Variants in SVIL observed in about 807,000 individuals in gnomAD.
The protein encoded by SVIL is supervillin.
A neutral mutation model predicts 240.4 loss-of-function variants in SVIL; 101 were observed. The observed-to-expected ratio is 0.42, with a 90% CI of 0.36 to 0.50. The LOEUF is 0.50. Among genes scored for constraint, SVIL ranks in the 20% least tolerant of loss-of-function variants. SVIL has a pLI of 0.01. For missense variants in SVIL, 2,512 were observed against 2,818.7 expected (o/e 0.89, Z 2.46); for synonymous variants, 999 against 1,100.0 (o/e 0.91, Z 1.82).
At chr10:29,512,976 G>A (rs1338357464) in intron 16 of SVIL, 115 bp from the exon 17 acceptor site, 26 of 1,396,134 alleles carry the variant, frequency 1.9e-5, no homozygotes, top group East Asian at 7.1e-5. Context: ...CAGCCGCCTC[G>A]TTTTAACATT....
At chr10:29,685,473 C>T (rs1960997115) in intron 2 of SVIL, among the ~76,000 whole-genome samples, 1 of 152,192 alleles carries the variant, frequency 6.6e-6, no homozygotes, top group African/African-American at 2.4e-5. Flanking sequence ...GTTAATTCTG[C>T]TTTAAGTTCT....
At chr10:29,702,547 C>G (rs987458189) in intron 1 of SVIL, among the ~76,000 whole-genome samples, 20 of 152,184 alleles carry the variant, frequency 1.3e-4, no homozygotes, top group Non-Finnish European at 1.6e-4. Context: ...TCAGATCACA[C>G]GTTCACGAGG....
chr10:29,493,651 T>C (rs1299906792), intron 20 of SVIL, among the ~76,000 whole-genome samples: 4 of 152,226 alleles, frequency 2.6e-5, no homozygotes, highest in East Asian at 1.9e-4. Flanking sequence ...TGAACGCTTC[T>C]GAACCTGCCC....
chr10:29,684,221 A>C lies in SVIL; in HGVS notation c.-301+2332T>G, dbSNP rs552532147. Among the ~76,000 whole-genome samples the C allele has an allele frequency of 2.0e-5, 3 of 152,336 alleles. No homozygotes were observed. The South Asian group carries it at 6.2e-4, about 32-fold the overall frequency. On this transcript the variant is annotated intron_variant, in intron 2 of 35. Transcript: ENST00000375400. ...TGTCAGACAAACACAGAGTTTCTAT[A>C]GTGTGAACCAAAAAGTATCTGAGAC...
intron 16 of SVIL, among the ~76,000 whole-genome samples, chr10:29,513,216 TG>T (rs1341916642): frequency 6.6e-6 from 1 of 152,170 alleles, no homozygotes; most frequent in African/African-American, 2.4e-5. Context: ...TCTGGTCACT[TG>T]TGAAATAACA....
chr10:29,735,879 C>T (rs1273555695), upstream of SVIL: 2 of 152,060 alleles, frequency 1.3e-5, no homozygotes, highest in Non-Finnish European at 2.9e-5. The surrounding 1 kb of genome is among the most constrained non-coding windows in gnomAD (Gnocchi z 4.1). Context: ...GGGAGCGGGT[C>T]CCCGCTCGGG....
At chr10:29,604,315 T>C (rs528564842) in intron 1 of SVIL, among the ~76,000 whole-genome samples, 250 of 139,700 alleles carry the variant, frequency 1.8e-3, no homozygotes, top group Admixed American at 3.4e-3. Flanking sequence ...TTCTCATGCC[T>C]CAGACACCTA....
In SVIL at chr10:29,712,718, A is replaced by G. The variant is rs531470529; in HGVS notation, c.-400+23033T>C. Among the ~76,000 whole-genome samples the G allele has an allele frequency of 7.9e-5, 12 of 152,358 alleles. 1 individual carries two copies. In the South Asian group the frequency reaches 2.5e-3, roughly 32 times the overall value. On this transcript the variant is annotated intron_variant, in intron 1 of 35. Coordinates refer to the SVIL transcript ENST00000375400. ...GAGAAGGCAAATGTTATCAGACTCA[A>G]CACTGTAAAAATAAAGACATAGCTG...
chr10:29,510,236 G>A (rs1463216903), intron 17 of SVIL, among the ~76,000 whole-genome samples: 2 of 152,202 alleles, frequency 1.3e-5, no homozygotes, highest in African/African-American at 4.8e-5. Context: ...TGAGATGCTG[G>A]CTGGAGCCCC....
At chr10:29,527,651 T>A (rs956746267) in intron 12 of SVIL, among the ~76,000 whole-genome samples, 1 of 151,592 alleles carries the variant, frequency 6.6e-6, no homozygotes, top group African/African-American at 2.4e-5. Context: ...GGTCTTGATC[T>A]CTTGACCTCG....
intron 2 of SVIL, among the ~76,000 whole-genome samples, chr10:29,566,601 T>C (rs530677793): frequency 1.3e-5 from 2 of 152,308 alleles, no homozygotes; most frequent in African/African-American, 4.8e-5. Context: ...CGATCATCAA[T>C]GAAAACACAG....
At chr10:29,555,152 C>A in intron 3 of SVIL, 44 bp from the exon 4 acceptor site, 6 of 1,519,726 alleles carry the variant, frequency 3.9e-6, no homozygotes, top group South Asian at 3.7e-5. Context: ...ATTTAGTAGT[C>A]GTGCGCTCAT....
rs899253095 is a variant in SVIL, at chr10:29,569,347, T to C, written c.-200-35A>G. The C allele has an allele frequency of 5.3e-6, 5 of 951,200 alleles. No homozygotes were observed. The African/African-American group carries it at 8.8e-5, about 17-fold the overall frequency. The allele number at this position is 951,200 out of a possible 1,614,324, so 58.9% of individuals were successfully genotyped here. On this transcript the variant is annotated intron_variant, in intron 1 of 37. Coordinates refer to ENST00000355867, the MANE Select transcript of SVIL (RefSeq NM_021738.3). ...AAGAAATAATGTAACATTGAAATAG[T>C]TATGCAAATTGTTAAAAATCCGGTG...
chr10:29,475,081 A>G (rs941388254), intron 29 of SVIL, among the ~76,000 whole-genome samples: 1 of 152,208 alleles, frequency 6.6e-6, no homozygotes, highest in African/African-American at 2.4e-5. Context: ...GCTGGAGTGC[A>G]ATGGTGCAAT....
chr10:29,642,583 T>A (rs1958525678), intron 3 of SVIL, among the ~76,000 whole-genome samples: 1 of 152,234 alleles, frequency 6.6e-6, no homozygotes, highest in Admixed American at 6.5e-5. Flanking sequence ...CCATGACATT[T>A]TCATATTACC....
At position 29,458,560 on chromosome 10, in the gene SVIL, G is replaced by A. The variant is rs768016715; in HGVS notation, c.6432C>T (p.Leu2144=). The A allele has an allele frequency of 3.7e-6, 6 of 1,612,884 alleles. No individual in the cohort carries two copies. The highest frequency in any genetic ancestry group is 4.5e-5 in the East Asian group (2 of 44,858). The stretch of plus-strand genomic sequence containing the variant: ...AGAGCTTGGCTAAGACGTCTTCCAC[G>A]AGGGTGATCTGATTGGAAACTTCCG... ...MDTEVSNQIT[L]VEDVLAKLCK... is the part of the protein sequence containing the mutation. Residue 2144 remains leucine, a synonymous_variant, in exon 37 of 38, where the codon CTC becomes CTT. Coordinates refer to ENST00000355867, the MANE Select transcript of SVIL (RefSeq NM_021738.3).
rs753543161 is a variant in SVIL, at chr10:29,463,617, T to C, written c.6152A>G (p.Asn2051Ser). 3 of 1,614,062 alleles carry C rather than the reference T, an allele frequency of 1.9e-6. No homozygotes were observed. Among genetic ancestry groups the C allele is most frequent in the Admixed American group, 1.7e-5 (1 of 60,010 alleles). The stretch of plus-strand genomic sequence containing the variant: ...TTGCCAGAGGTACACCTCGTGGTGA[T>C]TGTCAACAAGGAAAAGTGCTGTGAG... ...APQPALFLVDNHHEVYLWQGW... is the reference protein window; with the variant it reads ...APQPALFLVDSHHEVYLWQGW... Residue 2051 changes from asparagine (N) to serine (S), a missense_variant, in exon 35 of 38, where the codon AAT (asparagine) becomes AGT (serine). By Grantham distance (46) the Asn-to-Ser change is conservative. This residue lies in a region of SVIL where 797 missense variants were observed against 925.3 expected (regional missense o/e 0.86). Coordinates refer to ENST00000355867, the MANE Select transcript of SVIL (RefSeq NM_021738.3).
Position 29,462,289 on chromosome 10 carries a change from C to A in SVIL, c.6390G>T (p.Glu2130Asp). 1 of 1,614,178 alleles carries A rather than the reference C, an allele frequency of 6.2e-7. No homozygotes were observed. Among genetic ancestry groups the A allele is most frequent in the South Asian group, 1.1e-5 (1 of 91,082 alleles). Residue 2130 changes from glutamate to aspartate, a missense_variant, in exon 36 of 38, where the codon GAG (glutamate) becomes GAT (aspartate). Transcript: ENST00000355867. ...AAAGCGTGCTCACCATCTCTGTGAT[C>A]TCAGCGATGTCCTCTCTGTGCTCCC... ...PSWEHREDIA[E>D]ITEMDTEVSN...
At chr10:29,690,565 A>G (rs1414453357) in intron 1 of SVIL, among the ~76,000 whole-genome samples, 2 of 152,136 alleles carry the variant, frequency 1.3e-5, no homozygotes, top group East Asian at 3.8e-4. Flanking sequence ...AGAAGGCCCT[A>G]TGTTTTTATT....
Sources: gnomAD v4.1 joint callset for allele counts (sites outside exome capture counted in the v4.1 genomes callset) on GRCh38, gnomAD v4.1.1 for gene constraint, gnomAD v4.1.1 regional missense constraint, Gnocchi (gnomAD v3.1) non-coding constraint, MANE v1.5 for transcripts, NCBI Gene and HGNC (gene_info 2026-07-23, HGNC 2026-07-21) for gene names.